Variants in GRM1 observed in about 807,000 individuals in gnomAD.
GRM1 encodes the protein metabotropic glutamate receptor 1.
A neutral mutation model predicts 90.9 loss-of-function variants in GRM1; 33 were observed. The ratio of observed to expected loss-of-function variants is 0.36; its 90% CI spans 0.28 to 0.49. GRM1 has a LOEUF of 0.49. Among genes scored for constraint, GRM1 ranks in the 20% least tolerant of loss-of-function variants. GRM1 has a pLI of 0.99. For synonymous variants in GRM1, 700 were observed against 613.2 expected (o/e 1.14, Z -2.09); for missense variants, 1,190 against 1,534.3 (o/e 0.78, Z 3.75).
intron 1 of GRM1, among the ~76,000 whole-genome samples, chr6:146,115,384 C>T (rs879650174): frequency 1.2e-4 from 19 of 152,026 alleles, no homozygotes; most frequent in South Asian, 2.1e-4. Context: ...GTTCTCAACA[C>T]GTGGCAGCTA....
chr6:146,413,649 T>A (rs1339452588), intron 7 of GRM1, among the ~76,000 whole-genome samples: 1 of 152,176 alleles, frequency 6.6e-6, no homozygotes, highest in Non-Finnish European at 1.5e-5. Context: ...TGTAATACAC[T>A]CATGAAACCA....
At chr6:146,208,346 G>A (rs1030650136) in intron 2 of GRM1, among the ~76,000 whole-genome samples, 16 of 152,058 alleles carry the variant, frequency 1.1e-4, no homozygotes, top group Non-Finnish European at 2.2e-4. Context: ...TGAAAAAAAT[G>A]TATATTTTTT....
At chr6:146,082,859 T>C (rs1178637228) in intron 1 of GRM1, among the ~76,000 whole-genome samples, 1 of 152,236 alleles carries the variant, frequency 6.6e-6, no homozygotes, top group Admixed American at 6.5e-5. Context: ...TGATTCTTCC[T>C]ATCCATGAGG....
At chr6:146,333,427 C>T (rs752126602) in intron 3 of GRM1, among the ~76,000 whole-genome samples, 5 of 152,138 alleles carry the variant, frequency 3.3e-5, no homozygotes, top group African/African-American at 4.8e-5. Flanking sequence ...CACATTATTA[C>T]TGTAAGATTG....
At chr6:146,189,554 A>G (rs1369989993) in intron 2 of GRM1, among the ~76,000 whole-genome samples, 1 of 152,162 alleles carries the variant, frequency 6.6e-6, no homozygotes, top group Admixed American at 6.6e-5. Context: ...TATCATTATC[A>G]TTATGCTTCA....
intron 1 of GRM1, among the ~76,000 whole-genome samples, chr6:146,053,108 GA>G (rs1775352523): frequency 6.6e-6 from 1 of 152,022 alleles, no homozygotes; most frequent in African/African-American, 2.4e-5. Context: ...CCTTCAGATG[GA>G]AACTTCTTTT....
intron 7 of GRM1, among the ~76,000 whole-genome samples, chr6:146,403,436 G>T (rs554144460): frequency 6.6e-6 from 1 of 152,188 alleles, no homozygotes; most frequent in South Asian, 2.1e-4. Context: ...AAAGGCATCA[G>T]ACTGACACAA....
intron 5 of GRM1, among the ~76,000 whole-genome samples, chr6:146,370,475 A>G (rs1160625532): frequency 6.6e-6 from 1 of 152,120 alleles, no homozygotes; most frequent in Non-Finnish European, 1.5e-5. Context: ...GAATAACTGA[A>G]TAAATATCTC....
intron 5 of GRM1, among the ~76,000 whole-genome samples, chr6:146,368,527 A>G (rs1775783766): frequency 6.6e-6 from 1 of 152,028 alleles, no homozygotes; most frequent in Non-Finnish European, 1.5e-5. Flanking sequence ...ATATGGCCTT[A>G]TTATGTTGAC....
chr6:146,130,525 C>G (rs1419719771), intron 1 of GRM1, among the ~76,000 whole-genome samples: 1 of 151,906 alleles, frequency 6.6e-6, no homozygotes, highest in Non-Finnish European at 1.5e-5. Flanking sequence ...AAGCTCAATA[C>G]TGTGCTAAGA....
chr6:146,115,608 T>G (rs1775713780), intron 1 of GRM1, among the ~76,000 whole-genome samples: 1 of 152,184 alleles, frequency 6.6e-6, no homozygotes. Context: ...CATAAATATA[T>G]AATTTTTTAA....
chr6:146,043,794 T>TATATATATATATAG lies in GRM1; in HGVS notation c.700+13590_700+13591insGATATATATATATA, dbSNP rs1554260516. 2.2e-5 allele frequency among the ~76,000 whole-genome samples: 3 copies of TATATATATATATAG among 136,844 alleles called. 1 individual carries two copies. Among genetic ancestry groups the TATATATATATATAG allele is most frequent in the Non-Finnish European group, 4.8e-5 (3 of 62,790 alleles). 89.8% of individuals were successfully genotyped at this position (136,844 alleles called of 152,430 possible). A position where few individuals can be genotyped will look rare whatever the true frequency, so the allele number is the denominator to read the frequency against. ...GAAAGAGTCAGGTGATATATATATA[T>TATATATATATATAG]ATATATATATATATATAAAGGGAAG... On this transcript the variant is annotated intron_variant, in intron 1 of 7. Transcript: ENST00000282753.
intron 2 of GRM1, among the ~76,000 whole-genome samples, chr6:146,291,630 A>G (rs371833358): frequency 6.6e-6 from 1 of 152,000 alleles, no homozygotes. Context: ...AGATTGCTAA[A>G]AAAATTAAAT....
Position 146,399,609 on chromosome 6 carries a change from G to T in GRM1, c.2570G>T (p.Arg857Leu). The change falls in exon 7 of 8, where the codon CGC (arginine) becomes CTC (leucine). Residue 857 changes from arginine to leucine, a missense_variant. By Grantham distance (102) the Arg-to-Leu change is moderately radical. This residue lies in a region of GRM1 where 73 missense variants were observed against 150.6 expected (regional missense o/e 0.48). Transcript: ENST00000282753. The surrounding 1 kb of genome is among the most constrained non-coding windows in gnomAD (Gnocchi z 5.4). ...GCCTTCACCACCTCTGATGTTGTCC[G>T]CATGCATGTTGGCGATGGCAAGCTG... Reference protein sequence around the residue: ...RSAFTTSDVVRMHVGDGKLPC... With the variant: ...RSAFTTSDVVLMHVGDGKLPC... 1 of 1,613,958 alleles carries T rather than the reference G, an allele frequency of 6.2e-7. No individual in the cohort carries two copies. Among genetic ancestry groups the T allele is most frequent in the Non-Finnish European group, 8.5e-7 (1 of 1,179,880 alleles).
chr6:146,323,001 G>C (rs776912084), intron 3 of GRM1, among the ~76,000 whole-genome samples: 1 of 151,946 alleles, frequency 6.6e-6, no homozygotes, highest in South Asian at 2.1e-4. Context: ...CCAGTCTCTC[G>C]TTGTTGGACA....
At chr6:146,205,441 C>T (rs1779462533) in intron 2 of GRM1, among the ~76,000 whole-genome samples, 11 of 152,138 alleles carry the variant, frequency 7.2e-5, no homozygotes, top group Admixed American at 7.2e-4. Flanking sequence ...GAAGCAAATT[C>T]TTAATAGCTA....
In GRM1 at chr6:146,380,868, G is replaced by A. The variant is rs148226979; in HGVS notation, c.1603-6022G>A. Among the ~76,000 whole-genome samples the A allele has an allele frequency of 9.3e-4, 142 of 152,192 alleles. 1 individual carries two copies. Among genetic ancestry groups the A allele is most frequent in the African/African-American group, 3.1e-3 (130 of 41,530 alleles). Reference sequence around the variant, plus strand: ...CTGCCAGGACTGTGTCCTTTCCTTCGAGGCAACAGGTTCGCTTCTGGCCCA... The same window carrying A: ...CTGCCAGGACTGTGTCCTTTCCTTCAAGGCAACAGGTTCGCTTCTGGCCCA... On this transcript the variant is annotated intron_variant, in intron 5 of 7. Coordinates refer to ENST00000282753, the MANE Select transcript of GRM1 (RefSeq NM_001278064.2).
intron 1 of GRM1, among the ~76,000 whole-genome samples, chr6:146,038,419 T>C (rs946220462): frequency 6.6e-6 from 1 of 151,952 alleles, no homozygotes. Context: ...GTCCCCTAAG[T>C]TTATTATACA....
At chr6:146,043,317 A>C (rs7766463) in intron 1 of GRM1, among the ~76,000 whole-genome samples, 1 of 151,686 alleles carries the variant, frequency 6.6e-6, no homozygotes, top group South Asian at 2.1e-4. Flanking sequence ...AGGTTTCCAG[A>C]ATATTACATA....
Sources: allele counts gnomAD v4.1 joint callset (sites outside exome capture counted in the v4.1 genomes callset), GRCh38; gene constraint gnomAD v4.1.1; regional missense constraint gnomAD v4.1.1; non-coding constraint Gnocchi (gnomAD v3.1); transcripts MANE v1.5; gene names NCBI Gene and HGNC (gene_info 2026-07-23, HGNC 2026-07-21).